The following CLTC variants were observed in gnomAD, a reference collection of about 807,000 sequenced individuals.
The protein encoded by CLTC is clathrin heavy chain, also known as clathrin heavy chain 1.
A neutral mutation model predicts 195.8 loss-of-function variants in CLTC; 16 were observed. The ratio of observed to expected loss-of-function variants is 0.08; its 90% CI spans 0.06 to 0.12. The LOEUF (loss-of-function observed/expected upper bound fraction) is 0.12. Ranked by LOEUF, CLTC falls within the 10% of genes least tolerant of loss-of-function variation. The pLI is 1.00. For synonymous variants in CLTC, 667 were observed against 689.4 expected (o/e 0.97, Z 0.51); for missense variants, 796 against 2,027.0 (o/e 0.39, Z 11.66).
intron 1 of CLTC, 42 bp downstream of exon 1, chr17:59,620,215 G>A (rs201757012): frequency 6.2e-7 from 1 of 1,610,062 alleles, no homozygotes; most frequent in East Asian, 2.2e-5. Flanking sequence ...GGAGAAGGTG[G>A]TAGGAAGGAT....
chr17:59,693,695 C>T (rs1295837825), intron 31 of CLTC, 33 bp from the exon 32 acceptor site: 7 of 1,594,786 alleles, frequency 4.4e-6, no homozygotes, highest in Non-Finnish European at 6.0e-6. Flanking sequence ...CTTGCCCCTG[C>T]CCCCTGCTCC....
In CLTC at chr17:59,696,522, G is replaced by A. The variant is rs1181799035; in HGVS notation, c.*2670G>A. On this transcript the variant is annotated 3_prime_UTR_variant, in exon 32 of 32. Coordinates refer to ENST00000269122, the MANE Select transcript of CLTC (RefSeq NM_004859.4). Reference sequence around the variant, plus strand: ...ACTGTCAGTATCCTCCTAAAAGAAGGCTTAAATAGTTTCTAACAAGATGAC... The same window carrying A: ...ACTGTCAGTATCCTCCTAAAAGAAGACTTAAATAGTTTCTAACAAGATGAC... 4.3e-5 allele frequency: 3 copies of A among 69,844 alleles called. No homozygotes were observed. The highest frequency in any genetic ancestry group is 7.5e-5 in the Non-Finnish European group (3 of 39,744). The allele number at this position is 69,844 out of a possible 1,614,324, so 4.3% of individuals were successfully genotyped here.
chr17:59,656,680 T>C (rs2032476095), intron 6 of CLTC, among the ~76,000 whole-genome samples: 1 of 146,160 alleles, frequency 6.8e-6, no homozygotes, highest in Non-Finnish European at 1.5e-5. Context: ...TTTTTTTTTT[T>C]TTTTTTTTCT....
intron 15 of CLTC, among the ~76,000 whole-genome samples, chr17:59,674,158 A>C (rs958570311): frequency 1.3e-5 from 2 of 152,206 alleles, no homozygotes; most frequent in African/African-American, 2.4e-5. Context: ...GAAAAAAAAA[A>C]CATGCATGCC....
chr17:59,620,047 T>G lies in CLTC; in HGVS notation c.-85T>G. 4 of 1,248,200 alleles carry G rather than the reference T, an allele frequency of 3.2e-6. No individual in the cohort carries two copies. The highest frequency in any genetic ancestry group is 3.5e-6 in the Non-Finnish European group (3 of 859,666). The allele number at this position is 1,248,200 out of a possible 1,614,324, so 77.3% of individuals were successfully genotyped here. On this transcript the variant is annotated 5_prime_UTR_variant, in exon 1 of 32. Transcript: ENST00000269122. The stretch of plus-strand genomic sequence containing the variant: ...GCTGAGCCCAGCCTCCCCCCTCCCC[T>G]TCTCCTCCTCTCCCTTGGAGAGCCC...
rs2033157923 is a variant in CLTC at position 59,685,207 on chromosome 17, A to G, written c.4586A>G (p.Lys1529Arg). The G allele has an allele frequency of 6.3e-7, 1 of 1,584,056 alleles. No homozygotes were observed. The highest frequency in any genetic ancestry group is 8.6e-7 in the Non-Finnish European group (1 of 1,160,774). ...TGGAAACAGAGTGTAGAGCTGTGCAAGAAAGACAGCCTTTACAAGGTTGAT... is the reference window on the plus strand; with the variant it reads ...TGGAAACAGAGTGTAGAGCTGTGCAGGAAAGACAGCCTTTACAAGGTTGAT... ...NRWKQSVELCKKDSLYKDAMQ... is the reference protein window; with the variant it reads ...NRWKQSVELCRKDSLYKDAMQ... The change falls in exon 29 of 32, where the codon AAG becomes AGG. Residue 1529 changes from lysine (K) to arginine (R), a missense_variant. Physicochemically the swap from Lys to Arg is conservative, Grantham distance 26. This residue lies in a region of CLTC where 148 missense variants were observed against 279.5 expected (regional missense o/e 0.53). Coordinates refer to ENST00000269122, the MANE Select transcript of CLTC (RefSeq NM_004859.4). The surrounding 1 kb of genome is among the most constrained non-coding windows in gnomAD (Gnocchi z 5.0).
intron 5 of CLTC, among the ~76,000 whole-genome samples, chr17:59,652,553 C>T (rs1468260320): frequency 1.3e-5 from 2 of 152,170 alleles, no homozygotes; most frequent in Non-Finnish European, 2.9e-5. Flanking sequence ...CCTTGTATAT[C>T]TCCATTAGAG....
chr17:59,620,853 A>G (rs1055260300), intron 1 of CLTC, among the ~76,000 whole-genome samples: 5 of 152,106 alleles, frequency 3.3e-5, no homozygotes, highest in African/African-American at 7.2e-5. Context: ...TGTGCGGTCA[A>G]ACTCCCTAAG....
At chr17:59,629,042 A>G (rs561372823) in intron 1 of CLTC, among the ~76,000 whole-genome samples, 2 of 152,322 alleles carry the variant, frequency 1.3e-5, no homozygotes, top group East Asian at 1.9e-4. Context: ...GACTGAAGCT[A>G]AAGACTGTCA....
chr17:59,676,753 C>T (rs926704152), intron 16 of CLTC, among the ~76,000 whole-genome samples: 1 of 152,242 alleles, frequency 6.6e-6, no homozygotes, highest in East Asian at 1.9e-4. Flanking sequence ...ATCACTTGAG[C>T]CCAAGGCTGT....
At chr17:59,670,981 TAATG>T (rs1290203991) in intron 14 of CLTC, 1 of 152,224 alleles carries the variant, frequency 6.6e-6, no homozygotes, top group East Asian at 1.9e-4. Flanking sequence ...TCAGGCAAGT[TAATG>T]AATATGCCTC....
chr17:59,693,374 TTTTTTTA>T (rs2033352712), intron 31 of CLTC, among the ~76,000 whole-genome samples: 2 of 151,360 alleles, frequency 1.3e-5, no homozygotes, highest in African/African-American at 4.8e-5. Flanking sequence ...TTTTTTTTTT[TTTTTTTA>T]AAAAGTCTTT....
At position 59,682,178 on chromosome 17, in the gene CLTC, TG is replaced by T. The variant is rs1195303131; in HGVS notation, c.3443-92del. The T allele has an allele frequency of 7.3e-6, 9 of 1,236,210 alleles. No homozygotes were observed. The highest frequency in any genetic ancestry group is 1.4e-5 in the South Asian group (1 of 71,784). The allele number at this position is 1,236,210 out of a possible 1,614,324, so 76.6% of individuals were successfully genotyped here. ...ACATTTGTCATTATCCATGTTTCCT[TG>T]AAAAGGAAATGAATGCAATTTTCAT... On this transcript the variant is annotated intron_variant, in intron 21 of 31. Transcript: ENST00000269122. This position sits in a 1 kb window ranked among gnomAD's most constrained non-coding sequence, Gnocchi z 6.8.
At position 59,666,277 on chromosome 17, in the gene CLTC, ATTG is replaced by A; in HGVS notation, c.1782+40_1782+42del. ...AATGCTTTTTAGGCATGTTTCCAAC[ATTG>A]TTTTAGTAATTGTGCAGCGCCTCTC... On this transcript the variant is annotated intron_variant, in intron 11 of 31. Coordinates refer to ENST00000269122, the MANE Select transcript of CLTC (RefSeq NM_004859.4). This position sits in a 1 kb window ranked among gnomAD's most constrained non-coding sequence, Gnocchi z 4.9. The A allele has an allele frequency of 6.2e-7, 1 of 1,605,420 alleles. No individual in the cohort carries two copies. Among genetic ancestry groups the A allele is most frequent in the East Asian group, 2.2e-5 (1 of 44,636 alleles).
At chr17:59,635,184 C>T (rs2031827445) in intron 1 of CLTC, among the ~76,000 whole-genome samples, 1 of 151,618 alleles carries the variant, frequency 6.6e-6, no homozygotes, top group African/African-American at 2.4e-5. Context: ...ATCTGAAAAA[C>T]AGTAGCTCAT....
At chr17:59,649,213 G>C (rs1341617111) in intron 4 of CLTC, among the ~76,000 whole-genome samples, 1 of 152,156 alleles carries the variant, frequency 6.6e-6, no homozygotes, top group Non-Finnish European at 1.5e-5. Context: ...CCAAGACTGG[G>C]AAATGAGGAG....
intron 1 of CLTC, among the ~76,000 whole-genome samples, chr17:59,636,513 T>G (rs1168762929): frequency 6.6e-6 from 1 of 152,082 alleles, no homozygotes; most frequent in African/African-American, 2.4e-5. Context: ...TGGAGTGCGG[T>G]GGCGCGATCT....
At chr17:59,622,358 A>G (rs1211005468) in intron 1 of CLTC, among the ~76,000 whole-genome samples, 1 of 152,130 alleles carries the variant, frequency 6.6e-6, no homozygotes, top group Non-Finnish European at 1.5e-5. Context: ...CTAACTTCAT[A>G]TCATTATCTC....
rs1315570810 is a variant in CLTC at position 59,682,464 on chromosome 17, G to A, written c.3600+36G>A. On this transcript the variant is annotated intron_variant, in intron 22 of 31. Transcript: ENST00000269122. The surrounding 1 kb of genome is among the most constrained non-coding windows in gnomAD (Gnocchi z 6.8). ...TTTTCAGATTTAAGAAAAACTAGTT[G>A]GGCTACTTGATTAGCTTGGTAGGAT... The A allele has an allele frequency of 5.6e-6, 9 of 1,611,578 alleles. No individual in the cohort carries two copies. Among genetic ancestry groups the A allele is most frequent in the Non-Finnish European group, 7.6e-6 (9 of 1,178,430 alleles).
Sources: allele counts gnomAD v4.1 joint callset (sites outside exome capture counted in the v4.1 genomes callset), GRCh38; gene constraint gnomAD v4.1.1; regional missense constraint gnomAD v4.1.1; non-coding constraint Gnocchi (gnomAD v3.1); transcripts MANE v1.5; gene names NCBI Gene and HGNC (gene_info 2026-07-23, HGNC 2026-07-21).